Variants in PRR12 observed in about 807,000 individuals in gnomAD.
The protein encoded by PRR12 is proline rich 12.
In PRR12, 12 loss-of-function variants were observed where a neutral mutation model predicts 138.0. That is an observed-to-expected ratio of 0.09 (90% CI 0.06 to 0.14). The LOEUF is 0.14. PRR12 is among the 10% of genes least tolerant of loss of function. The pLI, the probability that PRR12 is intolerant of heterozygous loss-of-function variation, is 1.00. For missense variants in PRR12, 2,692 were observed against 2,861.3 expected, an observed-to-expected ratio of 0.94 and a Z score of 1.35; for synonymous variants, 1,567 against 1,291.7, an observed-to-expected ratio of 1.21 and a Z score of -4.57.
rs2080890213 is a variant in PRR12, at chr19:49,615,927, G to A, written c.5205G>A (p.Leu1735=). Residue 1735 remains leucine, a synonymous_variant, in exon 9 of 14, where the codon CTG becomes CTA. Coordinates refer to ENST00000418929, the MANE Select transcript of PRR12 (RefSeq NM_020719.3). Reference sequence around the variant, plus strand: ...CTGCCCCCGAGAAGCCCTCCCTCCTGCGGCCTGTTGAGAAGGAAAAGGAGA... The same window carrying A: ...CTGCCCCCGAGAAGCCCTCCCTCCTACGGCCTGTTGAGAAGGAAAAGGAGA... ...EPPAPEKPSL[L]RPVEKEKEKE... is the part of the protein sequence containing the mutation. 2.6e-6 allele frequency: 4 copies of A among 1,556,890 alleles called. No homozygotes were observed. Among genetic ancestry groups the A allele is most frequent in the South Asian group, 1.2e-5 (1 of 84,558 alleles).
chr19:49,592,992 G>C (rs567534320), intron 1 of PRR12, among the ~76,000 whole-genome samples: 89 of 151,998 alleles, frequency 5.9e-4, no homozygotes, highest in South Asian at 8.3e-4. Flanking sequence ...TTGTGGGGTC[G>C]ACGGGGGAGG....
At chr19:49,620,324 A>C in intron 9 of PRR12, 28 bp from the exon 10 acceptor site, 1 of 1,611,988 alleles carries the variant, frequency 6.2e-7, no homozygotes, top group Non-Finnish European at 8.5e-7. Context: ...AATTGGGATA[A>C]CGAGCCTGCG....
At position 49,595,310 on chromosome 19, in the gene PRR12, C is replaced by G. The variant is rs1473393453; in HGVS notation, c.975C>G (p.His325Gln). 1 of 1,545,122 alleles carries G rather than the reference C, an allele frequency of 6.5e-7. No individual in the cohort carries two copies. Among genetic ancestry groups the G allele is most frequent in the Middle Eastern group, 2.2e-4 (1 of 4,476 alleles). ...SCGGSYPSMG[H>Q]RANLACSPLG... ...GAGGCAGCTACCCCTCCATGGGCCA[C>G]CGGGCCAACCTGGCCTGCAGCCCCC... The change falls in exon 4 of 14, where the codon CAC becomes CAG. Residue 325 changes from histidine to glutamine, a missense_variant. His to Gln is a conservative substitution (Grantham distance 24). Transcript: ENST00000418929.
chr19:49,599,202 G>A lies in PRR12; in HGVS notation c.3679-70G>A. 2.8e-6 allele frequency: 4 copies of A among 1,431,074 alleles called. No individual in the cohort carries two copies. The highest frequency in any genetic ancestry group is 3.7e-6 in the Non-Finnish European group (4 of 1,083,030). The allele number at this position is 1,431,074 out of a possible 1,614,324, so 88.6% of individuals were successfully genotyped here. On this transcript the variant is annotated intron_variant, in intron 4 of 13. Transcript: ENST00000418929. This position sits in a 1 kb window ranked among gnomAD's most constrained non-coding sequence, Gnocchi z 5.0. Reference sequence around the variant, plus strand: ...GAGCACCTGTAAATTTGGATTTTTGGGGGCTGAGGGAGGATGGGACTGGGG... The same window carrying A: ...GAGCACCTGTAAATTTGGATTTTTGAGGGCTGAGGGAGGATGGGACTGGGG...
rs757472235 is a variant in PRR12 at position 49,597,218 on chromosome 19, C to T, written c.2883C>T (p.Asp961=). 3 of 1,568,154 alleles carry T rather than the reference C, an allele frequency of 1.9e-6. No individual in the cohort carries two copies. The highest frequency in any genetic ancestry group is 2.6e-6 in the Non-Finnish European group (3 of 1,156,776). The change falls in exon 4 of 14, where the codon GAC becomes GAT. Residue 961 remains aspartate (D), a synonymous_variant. Transcript: ENST00000418929. The surrounding 1 kb of genome is among the most constrained non-coding windows in gnomAD (Gnocchi z 6.3). ...EEMFGGGAAD[D]YGKAGPPEDE... ...TGTTCGGTGGAGGGGCCGCGGACGA[C>T]TACGGCAAGGCCGGGCCACCTGAGG... is the stretch of plus-strand genomic sequence containing the variant.
intron 6 of PRR12, among the ~76,000 whole-genome samples, chr19:49,613,372 G>C (rs1279576539): frequency 2.0e-5 from 3 of 151,554 alleles, no homozygotes; most frequent in African/African-American, 2.4e-5. Context: ...CCTCCTCTAG[G>C]CTTCTGTAGT....
rs2080879965 is a variant in PRR12, at chr19:49,614,155, A to G, written c.4774-378A>G. Among the ~76,000 whole-genome samples, 1 of 152,164 alleles carries G rather than the reference A, an allele frequency of 6.6e-6. No homozygotes were observed. Among genetic ancestry groups the G allele is most frequent in the Non-Finnish European group, 1.5e-5 (1 of 68,038 alleles). Reference sequence around the variant, plus strand: ...GAGAATTATGTGGGGGGACAGTCAGACCACAACAGGACGTCTTGCTCACAA... The same window carrying G: ...GAGAATTATGTGGGGGGACAGTCAGGCCACAACAGGACGTCTTGCTCACAA... On this transcript the variant is annotated intron_variant, in intron 6 of 13. Coordinates refer to ENST00000418929, the MANE Select transcript of PRR12 (RefSeq NM_020719.3). The surrounding 1 kb of genome is among the most constrained non-coding windows in gnomAD (Gnocchi z 5.0).
In PRR12 at chr19:49,614,348, G is replaced by A. The variant is rs998364136; in HGVS notation, c.4774-185G>A. On this transcript the variant is annotated intron_variant, in intron 6 of 13. Transcript: ENST00000418929. The surrounding 1 kb of genome is among the most constrained non-coding windows in gnomAD (Gnocchi z 5.0). ...CCAGGGTACTGGGTGGGCAGGAGGC[G>A]ACAGGGTCAAGTTCAAGCTGTACAC... Among the ~76,000 whole-genome samples the A allele has an allele frequency of 6.6e-6, 1 of 152,186 alleles. No individual in the cohort carries two copies. The highest frequency in any genetic ancestry group is 1.5e-5 in the Non-Finnish European group (1 of 68,044).
In PRR12 at chr19:49,614,994, C is replaced by T. The variant is rs548853503; in HGVS notation, c.5009C>T (p.Pro1670Leu). The T allele has an allele frequency of 1.9e-5, 30 of 1,613,910 alleles. No homozygotes were observed. The African/African-American group carries it at 3.6e-4, about 19-fold the overall frequency. ...TGTGCTCGGAAACCCTGGCATCGGC[C>T]CCCAGTGCCAGTCAGGTACCAACCA... ...RVCARKPWHR[P>L]PVPVRRSGQA... The change falls in exon 8 of 14, where the codon CCC (proline) becomes CTC (leucine). Residue 1670 changes from proline to leucine, a missense_variant. Transcript: ENST00000418929. The surrounding 1 kb of genome is among the most constrained non-coding windows in gnomAD (Gnocchi z 5.0).
intron 6 of PRR12, among the ~76,000 whole-genome samples, chr19:49,611,130 C>G (rs1290931409): frequency 6.6e-6 from 1 of 152,086 alleles, no homozygotes; most frequent in Non-Finnish European, 1.5e-5. Flanking sequence ...GCATGAGCCA[C>G]TGCGCCTGGC....
In PRR12 at chr19:49,595,352, C is replaced by T. The variant is rs779387453; in HGVS notation, c.1017C>T (p.Pro339=). Reference sequence around the variant, plus strand: ...GCAGCCCCCTGGGTGGTGGGGAGCCCTCCCCGGGTGCTGGGGAGCCTAGCA... The same window carrying T: ...GCAGCCCCCTGGGTGGTGGGGAGCCTTCCCCGGGTGCTGGGGAGCCTAGCA... ...LACSPLGGGE[P]SPGAGEPSKA... The change falls in exon 4 of 14, where the codon CCC becomes CCT. Residue 339 remains proline, a synonymous_variant. Transcript: ENST00000418929. 1.9e-6 allele frequency: 3 copies of T among 1,541,326 alleles called. No individual in the cohort carries two copies. Among genetic ancestry groups the T allele is most frequent in the Non-Finnish European group, 2.6e-6 (3 of 1,143,362 alleles).
At chr19:49,607,662 C>T (rs567884849) in intron 6 of PRR12, among the ~76,000 whole-genome samples, 4 of 142,664 alleles carry the variant, frequency 2.8e-5, no homozygotes, top group Admixed American at 2.1e-4. Flanking sequence ...GAGCCGAGAT[C>T]GTAGCACTGC....
chr19:49,607,537 C>G (rs1004229433), intron 6 of PRR12, among the ~76,000 whole-genome samples: 1 of 151,602 alleles, frequency 6.6e-6, no homozygotes, highest in Admixed American at 6.6e-5. Flanking sequence ...AAAACGCCCC[C>G]CCTACAAAAA....
chr19:49,621,365 T>TG (rs2080922575), intron 10 of PRR12, among the ~76,000 whole-genome samples, 160 bp from the exon 11 acceptor site: 1 of 136,606 alleles, frequency 7.3e-6, no homozygotes, highest in Non-Finnish European at 1.6e-5. Flanking sequence ...AGGAGGGAGC[T>TG]GGGGCCTGGA....
Position 49,601,871 on chromosome 19 carries a change from G to A in PRR12, c.4726G>A (p.Glu1576Lys). Residue 1576 changes from glutamate to lysine, a missense_variant, in exon 6 of 14, where the codon GAA (glutamate) becomes AAA (lysine). Glu to Lys is a moderately conservative substitution (Grantham distance 56). Coordinates refer to ENST00000418929, the MANE Select transcript of PRR12 (RefSeq NM_020719.3). Reference sequence around the variant, plus strand: ...GAGTGGCGGAGAGGGCATCTTCCGGGAACGGGACGAGTTCGTCATCCGTGC... The same window carrying A: ...GAGTGGCGGAGAGGGCATCTTCCGGAAACGGGACGAGTTCGTCATCCGTGC... ...GESGGEGIFR[E>K]RDEFVIRAED... is the part of the protein sequence containing the mutation. 6.2e-7 allele frequency: 1 copy of A among 1,612,580 alleles called. No homozygotes were observed. Among genetic ancestry groups the A allele is most frequent in the African/African-American group, 1.3e-5 (1 of 75,034 alleles).
At chr19:49,606,198 C>G (rs568195804) in intron 6 of PRR12, among the ~76,000 whole-genome samples, 52 of 152,012 alleles carry the variant, frequency 3.4e-4, no homozygotes, top group African/African-American at 1.3e-3. Context: ...AGACTGGGGT[C>G]TCACTCTGTT....
At chr19:49,598,590 C>T (rs1049346254) in intron 4 of PRR12, among the ~76,000 whole-genome samples, 1 of 152,030 alleles carries the variant, frequency 6.6e-6, no homozygotes, top group South Asian at 2.1e-4. Context: ...GAGACTGAGG[C>T]GGGAGGATCT....
chr19:49,595,100 C>T lies in PRR12; in HGVS notation c.765C>T (p.Ala255=), dbSNP rs748529964. The T allele has an allele frequency of 7.8e-5, 125 of 1,611,986 alleles. No individual in the cohort carries two copies. The highest frequency in any genetic ancestry group is 6.6e-4 in the South Asian group (60 of 91,080). The part of the protein sequence containing the change: ...FNLLASSSAA[A]AAAEQSSPQL... ...TGCTGGCTTCCTCTTCCGCTGCCGC[C>T]GCCGCTGCCGAGCAGTCCTCCCCAC... is the stretch of plus-strand genomic sequence containing the variant. The change falls in exon 4 of 14, where the codon GCC becomes GCT. Residue 255 remains alanine (A), a synonymous_variant. Transcript: ENST00000418929.
Position 49,594,965 on chromosome 19 carries a change from G to A in PRR12, c.630G>A (p.Gly210=), listed in dbSNP as rs535980415. ...CACTGGGCTTCGAGCGCCTGGCAGG[G>A]GGCGGTGTCTTGGGGCCAGCTGGTC... ...PSSLGFERLA[G]GGVLGPAGLG... The change falls in exon 4 of 14, where the codon GGG becomes GGA. Residue 210 remains glycine (G), a synonymous_variant. Transcript: ENST00000418929. The surrounding 1 kb of genome is among the most constrained non-coding windows in gnomAD (Gnocchi z 5.6). 2 of 1,599,956 alleles carry A rather than the reference G, an allele frequency of 1.3e-6. No homozygotes were observed. Among genetic ancestry groups the A allele is most frequent in the East Asian group, 2.3e-5 (1 of 44,080 alleles).
Sources: allele counts gnomAD v4.1 joint callset (sites outside exome capture counted in the v4.1 genomes callset), GRCh38; gene constraint gnomAD v4.1.1; non-coding constraint Gnocchi (gnomAD v3.1); transcripts MANE v1.5; gene names NCBI Gene and HGNC (gene_info 2026-07-23, HGNC 2026-07-21).